The following ADAM12 variants were observed in gnomAD, a reference collection of about 807,000 sequenced individuals.
ADAM12 encodes ADAM metallopeptidase domain 12, also known as disintegrin and metalloproteinase domain-containing protein 12.
A neutral mutation model predicts 106.4 loss-of-function variants in ADAM12; 70 were observed. The ratio of observed to expected loss-of-function variants is 0.66; its 90% CI spans 0.54 to 0.80. The LOEUF (loss-of-function observed/expected upper bound fraction) is 0.80. ADAM12 is among the 30% of genes least tolerant of loss of function. The pLI, the probability that ADAM12 is intolerant of heterozygous loss-of-function variation, is 0.00. For synonymous variants in ADAM12, 420 were observed against 433.5 expected, an observed-to-expected ratio of 0.97 and a Z score of 0.39; for missense variants, 1,010 against 1,171.9, an observed-to-expected ratio of 0.86 and a Z score of 2.02.
Position 126,388,098 on chromosome 10 carries a change from G to T in ADAM12, c.48C>A (p.Leu16=). The T allele has an allele frequency of 8.1e-7, 1 of 1,234,058 alleles. No individual in the cohort carries two copies. Among genetic ancestry groups the T allele is most frequent in the Non-Finnish European group, 1.0e-6 (1 of 988,180 alleles). The allele number at this position is 1,234,058 out of a possible 1,614,324, so 76.4% of individuals were successfully genotyped here. A position where few individuals can be genotyped will look rare whatever the true frequency, so the allele number is the denominator to read the frequency against. The part of the protein sequence containing the change: ...LPVSPARALL[L]ALAGALLAPC... The stretch of plus-strand genomic sequence containing the variant: ...GCGCGAGCAGAGCACCGGCCAGGGC[G>T]AGCAGGAGGGCGCGGGCGGGGGACA... Residue 16 remains leucine, a synonymous_variant, in exon 1 of 23, where the codon CTC becomes CTA. Coordinates refer to ENST00000448723, the MANE Select transcript of ADAM12 (RefSeq NM_001288973.2). The surrounding 1 kb of genome is among the most constrained non-coding windows in gnomAD (Gnocchi z 4.4).
intron 1 of ADAM12, among the ~76,000 whole-genome samples, chr10:126,372,207 C>T (rs1189121191): frequency 6.6e-6 from 1 of 152,148 alleles, no homozygotes; most frequent in Non-Finnish European, 1.5e-5. Context: ...GACGGTGGCT[C>T]ATGGATGCTG....
chr10:126,137,825 G>A (rs1408607193), intron 4 of ADAM12, among the ~76,000 whole-genome samples: 1 of 152,168 alleles, frequency 6.6e-6, no homozygotes, highest in Non-Finnish European at 1.5e-5. Context: ...ACTATTATGA[G>A]TAACGTTACT....
intron 3 of ADAM12, among the ~76,000 whole-genome samples, chr10:126,227,960 T>C (rs539050597): frequency 2.6e-5 from 4 of 152,028 alleles, no homozygotes; most frequent in African/African-American, 9.6e-5. Context: ...CTGGAGTCCC[T>C]AGGGAGGAGA....
rs575926679 is a variant in ADAM12 at position 126,042,928 on chromosome 10, G to T, written c.2104+112C>A. 242 of 1,016,582 alleles carry T rather than the reference G, an allele frequency of 2.4e-4. 3 individuals carry two copies. In the African/African-American group the frequency reaches 3.4e-3, roughly 14 times the overall value. 63.0% of individuals were successfully genotyped at this position (1,016,582 alleles called of 1,614,324 possible). On this transcript the variant is annotated intron_variant, in intron 18 of 22. Transcript: ENST00000448723. ...CCTAGGCTGTGTAGACCCATGTGGG[G>T]TCCCCACTGGGTTTCTTGTTGGCTC... is the stretch of plus-strand genomic sequence containing the variant.
chr10:126,153,040 T>C (rs1956756091), intron 4 of ADAM12, among the ~76,000 whole-genome samples: 1 of 152,232 alleles, frequency 6.6e-6, no homozygotes, highest in Non-Finnish European at 1.5e-5. Context: ...TGACTTCCTG[T>C]CCTTGCTGCT....
rs1364592033 is a variant in ADAM12 at position 126,066,568 on chromosome 10, G to T, written c.1413+149C>A. 1.5e-6 allele frequency: 1 copy of T among 688,168 alleles called. No individual in the cohort carries two copies. The highest frequency in any genetic ancestry group is 2.4e-5 in the Admixed American group (1 of 40,896). 42.6% of individuals were successfully genotyped at this position (688,168 alleles called of 1,614,324 possible). ...TTGGAAGCTAAACAGTAAGAGGTGG[G>T]TAACACCAACTGGCGTGAGAAGGAG... On this transcript the variant is annotated intron_variant, in intron 13 of 22. Transcript: ENST00000448723. This position sits in a 1 kb window ranked among gnomAD's most constrained non-coding sequence, Gnocchi z 5.1.
At chr10:126,376,477 T>C (rs1464716553) in intron 1 of ADAM12, among the ~76,000 whole-genome samples, 1 of 152,226 alleles carries the variant, frequency 6.6e-6, no homozygotes, top group East Asian at 1.9e-4. Context: ...AAAAATTTCA[T>C]ATTAAAAAGT....
At chr10:126,346,134 T>C (rs1471827321) in intron 1 of ADAM12, among the ~76,000 whole-genome samples, 2 of 152,212 alleles carry the variant, frequency 1.3e-5, no homozygotes, top group African/African-American at 2.4e-5. Context: ...TTTTAGATCT[T>C]TCCTGCTTTC....
chr10:126,124,536 C>A (rs1956167814), intron 5 of ADAM12, among the ~76,000 whole-genome samples: 1 of 151,974 alleles, frequency 6.6e-6, no homozygotes, highest in Non-Finnish European at 1.5e-5. Context: ...ATCTCATGAC[C>A]AGGGTGTGGG....
intron 3 of ADAM12, among the ~76,000 whole-genome samples, chr10:126,156,831 TGGAGTCTGGGGAGCTGG>T (rs1956825768): frequency 6.6e-6 from 1 of 152,214 alleles, no homozygotes; most frequent in African/African-American, 2.4e-5. Context: ...CTGAAAGGCC[TGGAGTCTGGGGAGCTGG>T]GCTGGTGGAA....
chr10:126,222,619 T>G (rs1299691611), intron 3 of ADAM12, among the ~76,000 whole-genome samples: 1 of 151,944 alleles, frequency 6.6e-6, no homozygotes, highest in African/African-American at 2.4e-5. Flanking sequence ...CTGATCAGCA[T>G]GCTGATCCAG....
At chr10:126,093,961 G>C (rs372238350) in intron 11 of ADAM12, 24 bp downstream of exon 11, 79 of 1,613,366 alleles carry the variant, frequency 4.9e-5, no homozygotes, top group Middle Eastern at 1.6e-4. Flanking sequence ...CACTGTCAAA[G>C]CAGATGGAAG....
chr10:126,306,591 G>A (rs565790285), intron 2 of ADAM12, among the ~76,000 whole-genome samples: 201 of 152,086 alleles, frequency 1.3e-3, no homozygotes, highest in African/African-American at 4.5e-3. Context: ...CCTGCTTTTG[G>A]TTTTTAAATA....
intron 3 of ADAM12, among the ~76,000 whole-genome samples, chr10:126,192,166 A>G (rs946366823): frequency 1.8e-4 from 28 of 152,188 alleles, no homozygotes; most frequent in African/African-American, 6.8e-4. Flanking sequence ...ATCACTAGCT[A>G]TGTGCCTTTG....
intron 1 of ADAM12, among the ~76,000 whole-genome samples, chr10:126,378,852 T>A (rs549031652): frequency 6.6e-6 from 1 of 152,328 alleles, no homozygotes; most frequent in African/African-American, 2.4e-5. Flanking sequence ...TTTTCAATCA[T>A]CTTTTATATG....
At chr10:126,188,129 T>C (rs1214726193) in intron 3 of ADAM12, among the ~76,000 whole-genome samples, 1 of 152,246 alleles carries the variant, frequency 6.6e-6, no homozygotes, top group African/African-American at 2.4e-5. Context: ...TCTCACTGTT[T>C]GCTGTCCTCT....
chr10:126,277,914 G>A (rs374501750), intron 3 of ADAM12, among the ~76,000 whole-genome samples: 1 of 152,094 alleles, frequency 6.6e-6, no homozygotes, highest in East Asian at 1.9e-4. Context: ...ACTGTCTTTC[G>A]TCTGTCTTGC....
chr10:126,286,168 G>A (rs1959849828), intron 2 of ADAM12, among the ~76,000 whole-genome samples: 1 of 152,142 alleles, frequency 6.6e-6, no homozygotes, highest in Admixed American at 6.5e-5. Context: ...ATGACACACA[G>A]CATCAGGTCC....
intron 1 of ADAM12, among the ~76,000 whole-genome samples, chr10:126,379,641 T>C (rs1199548060): frequency 6.6e-6 from 1 of 152,114 alleles, no homozygotes; most frequent in Non-Finnish European, 1.5e-5. Flanking sequence ...CCTGTATACC[T>C]ATGTAACAAA....
Sources: gnomAD v4.1 joint callset for allele counts (sites outside exome capture counted in the v4.1 genomes callset) on GRCh38, gnomAD v4.1.1 for gene constraint, Gnocchi (gnomAD v3.1) non-coding constraint, MANE v1.5 for transcripts, NCBI Gene and HGNC (gene_info 2026-07-23, HGNC 2026-07-21) for gene names.